The following LRMDA variants were observed in gnomAD, a reference collection of about 807,000 sequenced individuals.
The protein encoded by LRMDA is leucine-rich melanocyte differentiation-associated protein.
Under a neutral mutation model 29.8 loss-of-function variants are expected in LRMDA, and 18 were observed. That is an observed-to-expected ratio of 0.60 (90% CI 0.42 to 0.90). LRMDA has a LOEUF of 0.90. Among genes scored for constraint, LRMDA ranks in the 40% least tolerant of loss-of-function variants. LRMDA has a pLI of 0.00. For missense variants in LRMDA, 273 were observed against 273.9 expected, an observed-to-expected ratio of 1.00 and a Z score of 0.02; for synonymous variants, 125 against 109.4, an observed-to-expected ratio of 1.14 and a Z score of -0.89.
intron 6 of LRMDA, among the ~76,000 whole-genome samples, chr10:76,372,740 G>A (rs1841469682): frequency 6.6e-6 from 1 of 152,120 alleles, no homozygotes; most frequent in Admixed American, 6.6e-5. Flanking sequence ...GCTAAGGGGT[G>A]CAGACCTGGG....
chr10:76,001,753 G>C (rs1847566904), intron 2 of LRMDA, among the ~76,000 whole-genome samples: 1 of 151,876 alleles, frequency 6.6e-6, no homozygotes, highest in Non-Finnish European at 1.5e-5. Flanking sequence ...AATGAGTTTA[G>C]AGGAGAGCCC....
rs549385860 is a variant in LRMDA at position 76,159,343 on chromosome 10, C to A, written c.516+100560C>A. On this transcript the variant is annotated intron_variant, in intron 5 of 6. Transcript: ENST00000611255. ...ATTAAAATAATGAGATACCACTGTG[C>A]ACCTATTAGAATAGCCAAAATCTAG... Among the ~76,000 whole-genome samples the A allele has an allele frequency of 3.3e-5, 5 of 152,254 alleles. No homozygotes were observed. The South Asian group carries it at 1.0e-3, about 32-fold the overall frequency.
In LRMDA at chr10:76,521,164, C is replaced by T. The variant is rs1223181937; in HGVS notation, c.602-36045C>T. On this transcript the variant is annotated intron_variant, in intron 6 of 6. Transcript: ENST00000611255. ...TTTTTTTTTTTTTGAGACGGAGTCT[C>T]GCTCTGTCGCCCAGGCTGGAGTGCC... is the stretch of plus-strand genomic sequence containing the variant. Among the ~76,000 whole-genome samples, 3 of 146,484 alleles carry T rather than the reference C, an allele frequency of 2.0e-5. No individual in the cohort carries two copies. In the South Asian group the frequency reaches 6.5e-4, roughly 32 times the overall value.
At chr10:75,520,266 A>C (rs1169945266) in intron 2 of LRMDA, among the ~76,000 whole-genome samples, 2 of 152,196 alleles carry the variant, frequency 1.3e-5, no homozygotes, top group African/African-American at 4.8e-5. Flanking sequence ...TAATATCCTG[A>C]AGAGTGTCTT....
chr10:76,319,433 T>G (rs940862757), intron 5 of LRMDA, among the ~76,000 whole-genome samples: 2 of 152,172 alleles, frequency 1.3e-5, no homozygotes, highest in African/African-American at 4.8e-5. Context: ...ATAATCAAAG[T>G]CAGGGACAAC....
At chr10:76,546,246 T>C (rs1425425885) in intron 6 of LRMDA, among the ~76,000 whole-genome samples, 1 of 152,224 alleles carries the variant, frequency 6.6e-6, no homozygotes, top group African/African-American at 2.4e-5. Flanking sequence ...TTTCGATTTT[T>C]TGGAGCTCAT....
chr10:76,216,374 A>G (rs1851728590), intron 5 of LRMDA, among the ~76,000 whole-genome samples: 1 of 152,166 alleles, frequency 6.6e-6, no homozygotes, highest in Non-Finnish European at 1.5e-5. Flanking sequence ...ACAAAAAACA[A>G]AAAACTGAAA....
intron 5 of LRMDA, among the ~76,000 whole-genome samples, chr10:76,119,227 T>C (rs137886202): frequency 2.4e-3 from 361 of 150,170 alleles, no homozygotes; most frequent in African/African-American, 7.9e-3. Context: ...GTGGTACAGA[T>C]GGTCTGTGAA....
chr10:75,947,530 A>AG (rs1846497924), intron 2 of LRMDA, among the ~76,000 whole-genome samples: 1 of 152,176 alleles, frequency 6.6e-6, no homozygotes, highest in African/African-American at 2.4e-5. Flanking sequence ...GTAGAAGGGA[A>AG]GGGGAGGGAC....
At chr10:75,964,055 T>C (rs1444185013) in intron 2 of LRMDA, among the ~76,000 whole-genome samples, 2 of 152,192 alleles carry the variant, frequency 1.3e-5, no homozygotes, top group East Asian at 1.9e-4. Context: ...ATAATTAGGA[T>C]TGGGTTTGTT....
At chr10:76,400,522 C>T (rs987881357) in intron 6 of LRMDA, among the ~76,000 whole-genome samples, 1 of 152,242 alleles carries the variant, frequency 6.6e-6, no homozygotes, top group Non-Finnish European at 1.5e-5. Flanking sequence ...CAGAAATACT[C>T]AGTGTCTTCA....
At chr10:76,554,997 T>C (rs935354354) in intron 6 of LRMDA, among the ~76,000 whole-genome samples, 4 of 152,194 alleles carry the variant, frequency 2.6e-5, no homozygotes, top group African/African-American at 9.6e-5. Context: ...TTAAAATTCA[T>C]GTTATCCTAG....
chr10:75,900,778 C>A (rs376712325), intron 2 of LRMDA, among the ~76,000 whole-genome samples: 3 of 152,006 alleles, frequency 2.0e-5, no homozygotes, highest in Admixed American at 6.6e-5. Context: ...CCATGCCCAC[C>A]CCCCCACCTT....
chr10:76,452,561 AAAGATGTGAAG>A (rs1254594660), intron 6 of LRMDA, among the ~76,000 whole-genome samples: 3 of 152,202 alleles, frequency 2.0e-5, no homozygotes, highest in Admixed American at 1.3e-4. Context: ...AAGCTGGTAC[AAAGATGTGAAG>A]TAGAGGGTCT....
chr10:76,363,215 A>AGGGAGGGG (rs1554815873), intron 6 of LRMDA, among the ~76,000 whole-genome samples: 1 of 24,966 alleles, frequency 4.0e-5, no homozygotes, highest in Non-Finnish European at 8.0e-5. Context: ...GGAGGGAAGG[A>AGGGAGGGG]AGAGAAAGAA....
intron 6 of LRMDA, among the ~76,000 whole-genome samples, chr10:76,345,127 C>T (rs961053141): frequency 1.6e-5 from 2 of 125,032 alleles, no homozygotes; most frequent in African/African-American, 6.2e-5. Flanking sequence ...AGTGCAGTGG[C>T]GCGATCTCGG....
chr10:76,148,107 C>T (rs546240155), intron 5 of LRMDA, among the ~76,000 whole-genome samples: 241 of 152,308 alleles, frequency 1.6e-3, no homozygotes, highest in African/African-American at 5.3e-3. Flanking sequence ...TGGGGGGTGC[C>T]TCCCCGTTAG....
At chr10:75,928,397 C>T (rs1275416645) in intron 2 of LRMDA, among the ~76,000 whole-genome samples, 2 of 151,972 alleles carry the variant, frequency 1.3e-5, no homozygotes, top group African/African-American at 4.8e-5. Context: ...TGCATTTCAT[C>T]CTTTTCACAA....
At chr10:75,775,255 G>GT (rs779366508) in intron 2 of LRMDA, among the ~76,000 whole-genome samples, 65 of 152,228 alleles carry the variant, frequency 4.3e-4, no homozygotes, top group East Asian at 2.1e-3. Flanking sequence ...TTATAAATCT[G>GT]TTTTTTTGAG....
Sources: gnomAD v4.1 joint callset for allele counts (sites outside exome capture counted in the v4.1 genomes callset) on GRCh38, gnomAD v4.1.1 for gene constraint, MANE v1.5 for transcripts, NCBI Gene and HGNC (gene_info 2026-07-23, HGNC 2026-07-21) for gene names.